Variants in EPHA3 observed in about 807,000 individuals in gnomAD.
EPHA3 encodes the protein EPH receptor A3.
EPHA3 carries 42 observed loss-of-function variants against 107.1 expected under a neutral mutation model. That is an observed-to-expected ratio of 0.39 (90% CI 0.31 to 0.51). The LOEUF is 0.51. Ranked by LOEUF, EPHA3 falls within the 20% of genes least tolerant of loss-of-function variation. The pLI, the probability that EPHA3 is intolerant of heterozygous loss-of-function variation, is 0.78. For missense variants in EPHA3, 1,183 were observed against 1,211.2 expected (o/e 0.98, Z 0.35); for synonymous variants, 461 against 424.8 (o/e 1.09, Z -1.05).
chr3:89,170,580 T>G (rs1448860944), intron 2 of EPHA3, among the ~76,000 whole-genome samples: 1 of 152,112 alleles, frequency 6.6e-6, no homozygotes, highest in Non-Finnish European at 1.5e-5. Context: ...ACACTTTTCT[T>G]CTGAGACAGG....
chr3:89,146,109 T>A (rs1704552643), intron 2 of EPHA3, among the ~76,000 whole-genome samples: 1 of 151,836 alleles, frequency 6.6e-6, no homozygotes, highest in Admixed American at 6.6e-5. Flanking sequence ...AAGTTTTGAA[T>A]TGCCCACTGC....
chr3:89,412,723 A>G (rs1709178372), intron 9 of EPHA3, among the ~76,000 whole-genome samples: 1 of 151,740 alleles, frequency 6.6e-6, no homozygotes, highest in African/African-American at 2.4e-5. Flanking sequence ...TTATTTTCCA[A>G]TCTTGCATTG....
At position 89,128,050 on chromosome 3, in the gene EPHA3, G is replaced by A. The variant is rs185046000; in HGVS notation, c.153+777G>A. On this transcript the variant is annotated intron_variant, in intron 2 of 16. Transcript: ENST00000336596. ...CTTTTTGTTTCTAAGTATAGTTTGT[G>A]AAATATGTGAAGTACTATTTTGAAA... Among the ~76,000 whole-genome samples, 547 of 152,168 alleles carry A rather than the reference G, an allele frequency of 3.6e-3. 1 individual carries two copies. The highest frequency in any genetic ancestry group is 6.8e-3 in the Middle Eastern group (2 of 294).
chr3:89,210,972 A>G (rs1249280794), intron 3 of EPHA3, among the ~76,000 whole-genome samples: 1 of 152,102 alleles, frequency 6.6e-6, no homozygotes, highest in Admixed American at 6.6e-5. Flanking sequence ...GCTATAAAGT[A>G]CAGTCTTTTC....
At chr3:89,211,968 G>A (rs928445555) in intron 3 of EPHA3, among the ~76,000 whole-genome samples, 16 of 151,786 alleles carry the variant, frequency 1.1e-4, no homozygotes, top group Non-Finnish European at 1.6e-4. Flanking sequence ...ACTAAAGAAC[G>A]ATTTAAGAAT....
Position 89,210,226 on chromosome 3 carries a change from G to A in EPHA3, c.520G>A (p.Val174Ile), listed in dbSNP as rs1706239561. The A allele has an allele frequency of 6.2e-7, 1 of 1,614,042 alleles. No individual in the cohort carries two copies. Among genetic ancestry groups the A allele is most frequent in the East Asian group, 2.2e-5 (1 of 44,870 alleles). The part of the protein sequence containing the change: ...LNTEIREVGP[V>I]NKKGFYLAFQ... ...CACTGAGATTAGAGAAGTAGGTCCTGTCAACAAGAAGGGATTTTATTTGGC... is the reference window on the plus strand; with the variant it reads ...CACTGAGATTAGAGAAGTAGGTCCTATCAACAAGAAGGGATTTTATTTGGC... The change falls in exon 3 of 17, where the codon GTC becomes ATC. Residue 174 changes from valine to isoleucine, a missense_variant. Physicochemically the swap from Val to Ile is conservative, Grantham distance 29 (BLOSUM62 3). Coordinates refer to ENST00000336596, the MANE Select transcript of EPHA3 (RefSeq NM_005233.6).
rs1710598277 is a variant in EPHA3 at position 89,480,254 on chromosome 3, A to C, written c.*752A>C. The C allele has an allele frequency of 4.3e-6, 1 of 233,004 alleles. No homozygotes were observed. The highest frequency in any genetic ancestry group is 8.5e-6 in the Non-Finnish European group (1 of 117,876). The allele number at this position is 233,004 out of a possible 1,614,324, so 14.4% of individuals were successfully genotyped here. A position where few individuals can be genotyped will look rare whatever the true frequency, so the allele number is the denominator to read the frequency against. ...CAAATTGTCAGCAATTTAACTAGAC[A>C]CAGATAATAATGGGTTTCTTTCAGA... On this transcript the variant is annotated 3_prime_UTR_variant, in exon 17 of 17. Coordinates refer to ENST00000336596, the MANE Select transcript of EPHA3 (RefSeq NM_005233.6).
At position 89,413,211 on chromosome 3, in the gene EPHA3, G is replaced by A. The variant is rs2107522031; in HGVS notation, c.1833G>A (p.Glu611=). 1 of 1,611,894 alleles carries A rather than the reference G, an allele frequency of 6.2e-7. No homozygotes were observed. Among genetic ancestry groups the A allele is most frequent in the Non-Finnish European group, 8.5e-7 (1 of 1,178,522 alleles). The change falls in exon 10 of 17, where the codon GAG becomes GAA. Residue 611 remains glutamate, a synonymous_variant. Transcript: ENST00000336596. ...TYEDPTQAVH[E]FAKELDATNI... is the part of the protein sequence containing the mutation. ...AAGACCCTACCCAAGCTGTTCATGA[G>A]TTTGCCAAGGAATTGGATGCCACCA...
intron 15 of EPHA3, among the ~76,000 whole-genome samples, chr3:89,454,433 GT>G (rs1710058063): frequency 6.6e-6 from 1 of 151,986 alleles, no homozygotes; most frequent in African/African-American, 2.4e-5. Flanking sequence ...CCTCTACACT[GT>G]GATCATCTGG....
At chr3:89,162,934 T>A (rs1704982403) in intron 2 of EPHA3, among the ~76,000 whole-genome samples, 1 of 152,184 alleles carries the variant, frequency 6.6e-6, no homozygotes, top group Admixed American at 6.5e-5. Flanking sequence ...CTGCAGTCCT[T>A]CAATGAAGAG....
intron 3 of EPHA3, among the ~76,000 whole-genome samples, chr3:89,250,895 A>G (rs1705147540): frequency 6.6e-6 from 1 of 152,166 alleles, no homozygotes; most frequent in Non-Finnish European, 1.5e-5. Flanking sequence ...TCTTTCTATA[A>G]GACTGTAAAC....
intron 2 of EPHA3, among the ~76,000 whole-genome samples, chr3:89,188,250 G>A (rs369887866): frequency 1.2e-4 from 18 of 152,170 alleles, no homozygotes; most frequent in African/African-American, 4.1e-4. Flanking sequence ...AGCCAGCTAC[G>A]ATCTCGTTCT....
chr3:89,162,277 G>A (rs1364495271), intron 2 of EPHA3, among the ~76,000 whole-genome samples: 1 of 152,034 alleles, frequency 6.6e-6, no homozygotes, highest in Non-Finnish European at 1.5e-5. Context: ...AGGAAAGCAG[G>A]AGTAAATACA....
intron 16 of EPHA3, among the ~76,000 whole-genome samples, chr3:89,475,510 T>A (rs1283497161): frequency 6.6e-6 from 1 of 152,236 alleles, no homozygotes; most frequent in Admixed American, 6.5e-5. Flanking sequence ...GTTATCTCAT[T>A]TTTGAACAAA....
chr3:89,168,220 AG>A (rs1468156955), intron 2 of EPHA3, among the ~76,000 whole-genome samples: 2 of 152,168 alleles, frequency 1.3e-5, no homozygotes, highest in Non-Finnish European at 2.9e-5. Context: ...CCTCTGGCTG[AG>A]GAAACAATTT....
At chr3:89,141,004 A>T (rs908389487) in intron 2 of EPHA3, among the ~76,000 whole-genome samples, 4 of 151,692 alleles carry the variant, frequency 2.6e-5, no homozygotes, top group African/African-American at 4.8e-5. Context: ...AAGTTTTACA[A>T]GAGAGAACAG....
At chr3:89,452,646 T>A (rs536950556) in intron 15 of EPHA3, among the ~76,000 whole-genome samples, 3 of 152,274 alleles carry the variant, frequency 2.0e-5, no homozygotes, top group Admixed American at 6.5e-5. Flanking sequence ...CTTCTGTGGA[T>A]TGCCTTTCAT....
chr3:89,370,563 C>T (rs909766220), intron 5 of EPHA3, among the ~76,000 whole-genome samples: 6 of 151,484 alleles, frequency 4.0e-5, no homozygotes, highest in Middle Eastern at 3.2e-3. Flanking sequence ...TGCTAAATGA[C>T]GAGTTGATTG....
At chr3:89,159,812 C>T (rs969118714) in intron 2 of EPHA3, among the ~76,000 whole-genome samples, 13 of 151,982 alleles carry the variant, frequency 8.6e-5, no homozygotes, top group Non-Finnish European at 1.8e-4. Flanking sequence ...ATCTTAGCTT[C>T]ACACGGTGAT....
Sources: allele counts gnomAD v4.1 joint callset (sites outside exome capture counted in the v4.1 genomes callset), GRCh38; gene constraint gnomAD v4.1.1; transcripts MANE v1.5; gene names NCBI Gene and HGNC (gene_info 2026-07-23, HGNC 2026-07-21).